SDK1: variants seen among roughly 807,000 people sequenced by gnomAD.
SDK1 encodes the protein sidekick cell adhesion molecule 1, also known as protein sidekick-1.
In SDK1, 157 loss-of-function variants were observed where a neutral mutation model predicts 245.5. The observed-to-expected ratio is 0.64, with a 90% CI of 0.56 to 0.73. SDK1 has a LOEUF of 0.73. Ranked by LOEUF, SDK1 falls within the 30% of genes least tolerant of loss-of-function variation. The pLI is 0.00. For synonymous variants in SDK1, 1,647 were observed against 1,278.5 expected (o/e 1.29, Z -6.15); for missense variants, 3,583 against 3,002.3 (o/e 1.19, Z -4.52).
chr7:3,898,635 C>T (rs1214975161), intron 5 of SDK1, among the ~76,000 whole-genome samples: 1 of 152,148 alleles, frequency 6.6e-6, no homozygotes, highest in South Asian at 2.1e-4. Context: ...AGCAGCATCT[C>T]AGGAATTCTC....
intron 4 of SDK1, among the ~76,000 whole-genome samples, chr7:3,809,819 C>T (rs1048195336): frequency 6.6e-6 from 1 of 152,186 alleles, no homozygotes. Flanking sequence ...AAGAAGGAAT[C>T]CTGAGTGCCT....
intron 17 of SDK1, among the ~76,000 whole-genome samples, chr7:4,044,267 C>T (rs1249657689): frequency 6.6e-6 from 1 of 152,122 alleles, no homozygotes; most frequent in Admixed American, 6.5e-5. Flanking sequence ...AGCCTGCAGC[C>T]TCAGGATCCC....
intron 1 of SDK1, among the ~76,000 whole-genome samples, chr7:3,415,952 A>G (rs1444450759): frequency 5.3e-5 from 8 of 152,136 alleles, no homozygotes; most frequent in South Asian, 2.1e-4. Context: ...CCCTACCTTC[A>G]TATTCTGTTA....
chr7:3,922,953 A>G (rs975811797), intron 5 of SDK1, among the ~76,000 whole-genome samples: 1 of 152,146 alleles, frequency 6.6e-6, no homozygotes, highest in African/African-American at 2.4e-5. Flanking sequence ...AGCTAACTTA[A>G]TCTATTTTCT....
chr7:3,907,610 C>A (rs1778998162), intron 5 of SDK1, among the ~76,000 whole-genome samples: 1 of 152,186 alleles, frequency 6.6e-6, no homozygotes, highest in Non-Finnish European at 1.5e-5. Context: ...TCTCTATGTT[C>A]AGTTCCCTGG....
intron 1 of SDK1, among the ~76,000 whole-genome samples, chr7:3,447,431 C>T (rs866698274): frequency 2.0e-5 from 3 of 152,046 alleles, no homozygotes; most frequent in Middle Eastern, 3.2e-3. Flanking sequence ...CACACACTCA[C>T]TTACTCTTCA....
intron 1 of SDK1, among the ~76,000 whole-genome samples, chr7:3,321,745 C>G (rs1453048460): frequency 9.8e-5 from 9 of 91,818 alleles, no homozygotes; most frequent in Non-Finnish European, 4.2e-5. Context: ...TCCCCTCCCC[C>G]CTCCTTCCCC....
At chr7:3,448,387 A>G (rs1214550109) in intron 1 of SDK1, among the ~76,000 whole-genome samples, 2 of 151,758 alleles carry the variant, frequency 1.3e-5, no homozygotes, top group South Asian at 2.1e-4. Context: ...AGTAGTTTTT[A>G]TATTAGGGAT....
At chr7:4,040,193 TG>T (rs1788518418) in intron 17 of SDK1, among the ~76,000 whole-genome samples, 1 of 152,150 alleles carries the variant, frequency 6.6e-6, no homozygotes, top group Non-Finnish European at 1.5e-5. Context: ...GATCTTGCAG[TG>T]GGGTAACGCC....
chr7:4,128,924 CTTGGGGTGGGGTCCCCT>C (rs1784582636), intron 26 of SDK1, among the ~76,000 whole-genome samples: 1 of 115,922 alleles, frequency 8.6e-6, no homozygotes, highest in African/African-American at 3.3e-5. Context: ...AGGAGAGCAG[CTTGGGGTGGGGTCCCCT>C]GGAGGAGAGC....
intron 31 of SDK1, 111 bp from the exon 32 acceptor site, chr7:4,161,675 G>T (rs1781131340): frequency 1.2e-6 from 1 of 814,866 alleles, no homozygotes; most frequent in Non-Finnish European, 2.1e-6. Flanking sequence ...CCTGGAGAAG[G>T]AAGGAGGCAG....
At chr7:3,817,974 C>T (rs933897657) in intron 4 of SDK1, among the ~76,000 whole-genome samples, 2 of 152,212 alleles carry the variant, frequency 1.3e-5, no homozygotes, top group Non-Finnish European at 2.9e-5. Flanking sequence ...AAAACCCTTC[C>T]TGTGCTTATA....
chr7:3,334,606 C>T (rs938965923), intron 1 of SDK1, among the ~76,000 whole-genome samples: 1 of 152,146 alleles, frequency 6.6e-6, no homozygotes, highest in African/African-American at 2.4e-5. Flanking sequence ...CCTCGCCCAG[C>T]ACATGGCACC....
chr7:3,574,461 G>A (rs1240240212), intron 1 of SDK1, among the ~76,000 whole-genome samples: 1 of 151,942 alleles, frequency 6.6e-6, no homozygotes, highest in South Asian at 2.1e-4. Context: ...TATTCCTACT[G>A]TTGTTAACTG....
chr7:3,472,153 T>C (rs1275522592), intron 1 of SDK1, among the ~76,000 whole-genome samples: 2 of 152,182 alleles, frequency 1.3e-5, no homozygotes, highest in Non-Finnish European at 2.9e-5. Context: ...GTTCCCTCCA[T>C]TACTTTTTCA....
intron 22 of SDK1, among the ~76,000 whole-genome samples, chr7:4,107,938 T>C (rs1166159000): frequency 6.6e-6 from 1 of 152,232 alleles, no homozygotes; most frequent in Non-Finnish European, 1.5e-5. Flanking sequence ...GGCCTCAGCT[T>C]CTTTCAGCGT....
chr7:4,029,228 T>TTTTTTTGTGTGTG (rs746967075), intron 17 of SDK1, among the ~76,000 whole-genome samples: 10 of 112,086 alleles, frequency 8.9e-5, no homozygotes, highest in African/African-American at 5.0e-4. Flanking sequence ...TTTTTTTTTT[T>TTTTTTTGTGTGTG]TGTGAAGAAG....
intron 1 of SDK1, among the ~76,000 whole-genome samples, chr7:3,426,180 G>C (rs1196807774): frequency 6.6e-6 from 1 of 152,196 alleles, no homozygotes; most frequent in Non-Finnish European, 1.5e-5. Flanking sequence ...TTTTATGATA[G>C]TAGGAAGAGG....
Position 4,245,849 on chromosome 7 carries a change from A to G in SDK1, c.6381+44A>G, listed in dbSNP as rs760902020. 5 of 1,609,430 alleles carry G rather than the reference A, an allele frequency of 3.1e-6. No homozygotes were observed. The Admixed American group carries it at 6.7e-5, about 22-fold the overall frequency. ...TTCCGGGCAGTGACCATCAGCCCCT[A>G]CTTCTGCAGTGAGACTTCTGCCCCC... On this transcript the variant is annotated intron_variant, in intron 44 of 44. Coordinates refer to ENST00000404826, the MANE Select transcript of SDK1 (RefSeq NM_152744.4).
Sources: allele counts gnomAD v4.1 joint callset (sites outside exome capture counted in the v4.1 genomes callset), GRCh38; gene constraint gnomAD v4.1.1; transcripts MANE v1.5; gene names NCBI Gene and HGNC (gene_info 2026-07-23, HGNC 2026-07-21).